The following ITPRIPL1 variants were observed in gnomAD, a reference collection of about 807,000 sequenced individuals.
ITPRIPL1 encodes ITPRIP like 1.
ITPRIPL1 carries 28 observed loss-of-function variants against 40.0 expected under a neutral mutation model. The observed-to-expected ratio is 0.70, with a 90% CI of 0.52 to 0.96. ITPRIPL1 has a LOEUF of 0.96. Among genes scored for constraint, ITPRIPL1 ranks in the 40% least tolerant of loss-of-function variants. ITPRIPL1 has a pLI of 0.00. For missense variants in ITPRIPL1, 638 were observed against 698.0 expected (o/e 0.91, Z 0.97); for synonymous variants, 251 against 275.7 (o/e 0.91, Z 0.89).
At chr2:96,326,191 T>C (rs906124250) in intron 2 of ITPRIPL1, 16 of 1,455,290 alleles carry the variant, frequency 1.1e-5, no homozygotes, top group Non-Finnish European at 1.5e-5. Context: ...ATGCTACAAC[T>C]GGCTGCCGGG....
Position 96,327,852 on chromosome 2 carries a change from G to A in ITPRIPL1, c.1221G>A (p.Lys407=). ...TGGCCTGTGAGCACCTGTTCCTGAA[G>A]CTGGTGGGGCGCTTTGCCCCCGAGA... The part of the protein sequence containing the change: ...SFVACEHLFL[K]LVGRFAPENT... Residue 407 remains lysine (K), a synonymous_variant, in exon 3 of 3, where the codon AAG becomes AAA. Transcript: ENST00000439118. The A allele has an allele frequency of 6.2e-7, 1 of 1,614,102 alleles. No homozygotes were observed. Among genetic ancestry groups the A allele is most frequent in the South Asian group, 1.1e-5 (1 of 91,084 alleles).
Position 96,327,698 on chromosome 2 carries a change from A to T in ITPRIPL1, c.1067A>T (p.Tyr356Phe), listed in dbSNP as rs1253548205. Residue 356 changes from tyrosine to phenylalanine, a missense_variant, in exon 3 of 3, where the codon TAT becomes TTT. Transcript: ENST00000439118. ...STTSCKLRLD[Y>F]RSGRFLSIHL... ...ACCTCCTGCAAGCTCCGGCTGGACT[A>T]TCGCTCAGGCCGCTTTCTCTCAATC... 6.2e-7 allele frequency: 1 copy of T among 1,613,316 alleles called. No homozygotes were observed. The highest frequency in any genetic ancestry group is 1.1e-5 in the South Asian group (1 of 90,996).
In ITPRIPL1 at chr2:96,327,902, A is replaced by G; in HGVS notation, c.1271A>G (p.Gln424Arg). 1 of 1,613,428 alleles carries G rather than the reference A, an allele frequency of 6.2e-7. No homozygotes were observed. Among genetic ancestry groups the G allele is most frequent in the Non-Finnish European group, 8.5e-7 (1 of 1,179,870 alleles). ...AACACCTGTCACCTCAAGTGCCTCC[A>G]GATCATTTTAAGTCTCCGGCAGCAT... is the stretch of plus-strand genomic sequence containing the variant. The part of the protein sequence containing the change: ...PENTCHLKCL[Q>R]IILSLRQHQS... Residue 424 changes from glutamine (Q) to arginine (R), a missense_variant, in exon 3 of 3, where the codon CAG becomes CGG. Gln to Arg is a conservative substitution (Grantham distance 43). Coordinates refer to ENST00000439118, the MANE Select transcript of ITPRIPL1 (RefSeq NM_001008949.3).
Position 96,327,330 on chromosome 2 carries a change from GA to G in ITPRIPL1, c.702del (p.Lys234AsnfsTer20). Reference sequence around the variant, plus strand: ...AATGGGGAACCCTCCATGAGACCCAGAAATTTGATATCCTGGTGCCCATTGT... The same window carrying G: ...AATGGGGAACCCTCCATGAGACCCAGAATTTGATATCCTGGTGCCCATTGT... ...EKWGTLHETQKFDILVPIVPP... is the reference protein window; with the variant it reads ...EKWGTLHETQXFDILVPIVPP... On this transcript the variant is annotated frameshift_variant, in exon 3 of 3. Coordinates refer to ENST00000439118, the MANE Select transcript of ITPRIPL1 (RefSeq NM_001008949.3). LOFTEE classifies it high-confidence loss of function. 1 of 1,614,192 alleles carries G rather than the reference GA, an allele frequency of 6.2e-7. No homozygotes were observed.
chr2:96,327,446 T>C lies in ITPRIPL1; in HGVS notation c.815T>C (p.Val272Ala), dbSNP rs376245428. The C allele has an allele frequency of 3.2e-5, 52 of 1,613,838 alleles. No individual in the cohort carries two copies. The highest frequency in any genetic ancestry group is 4.2e-5 in the Non-Finnish European group (50 of 1,179,958). Residue 272 changes from valine to alanine, a missense_variant, in exon 3 of 3, where the codon GTG (valine) becomes GCG (alanine). Coordinates refer to ENST00000439118, the MANE Select transcript of ITPRIPL1 (RefSeq NM_001008949.3). The part of the protein sequence containing the change: ...CGCVLVESEC[V>A]CKREKLLGDV... ...TGTGTGCTGGTGGAGTCAGAATGTG[T>C]GTGCAAGCGTGAGAAACTCCTAGGG...
At position 96,328,352 on chromosome 2, in the gene ITPRIPL1, T is replaced by G. The variant is rs1196382454; in HGVS notation, c.*53T>G. 6.5e-7 allele frequency: 1 copy of G among 1,530,600 alleles called. No individual in the cohort carries two copies. Among genetic ancestry groups the G allele is most frequent in the African/African-American group, 1.4e-5 (1 of 71,918 alleles). 94.8% of individuals were successfully genotyped at this position (1,530,600 alleles called of 1,614,324 possible). On this transcript the variant is annotated 3_prime_UTR_variant, in exon 3 of 3. Transcript: ENST00000439118. ...GGAAGGTATTTCTAATTCCTTGGGC[T>G]ACAAAAGTGTTTACTTTTCAGATAT...
In ITPRIPL1 at chr2:96,327,700, C is replaced by CG. The variant is rs1558781422; in HGVS notation, c.1070dup (p.Ser358LeufsTer28). On this transcript the variant is annotated frameshift_variant, in exon 3 of 3. Coordinates refer to ENST00000439118, the MANE Select transcript of ITPRIPL1 (RefSeq NM_001008949.3). LOFTEE classifies it high-confidence loss of function. The stretch of plus-strand genomic sequence containing the variant: ...CTCCTGCAAGCTCCGGCTGGACTAT[C>CG]GCTCAGGCCGCTTTCTCTCAATCCA... The CG allele has an allele frequency of 6.2e-7, 1 of 1,613,164 alleles. No homozygotes were observed. The highest frequency in any genetic ancestry group is 1.1e-5 in the South Asian group (1 of 91,000).
chr2:96,329,338 G>A (rs1558782659), downstream of ITPRIPL1: 1 of 151,304 alleles, frequency 6.6e-6, no homozygotes, highest in Admixed American at 6.6e-5. Flanking sequence ...TCTCATAATT[G>A]AGATAATGTA....
downstream of ITPRIPL1, chr2:96,329,630 A>G (rs1468824565): frequency 2.0e-5 from 3 of 151,098 alleles, no homozygotes; most frequent in South Asian, 6.2e-4. Flanking sequence ...AAGAGAGGTC[A>G]TCACAATCCA....
chr2:96,326,373 T>C, intron 2 of ITPRIPL1: 1 of 1,515,002 alleles, frequency 6.6e-7, no homozygotes, highest in South Asian at 1.2e-5. Context: ...CAGTCCCATG[T>C]ACACTTTCTG....
intron 2 of ITPRIPL1, 43 bp downstream of exon 2, chr2:96,325,892 C>T (rs1268674871): frequency 3.5e-5 from 56 of 1,587,006 alleles, no homozygotes; most frequent in Non-Finnish European, 4.8e-5. Flanking sequence ...GGCAGAAGCT[C>T]GGGCTTCACG....
chr2:96,329,821 C>T (rs1272743324), downstream of ITPRIPL1: 1 of 152,164 alleles, frequency 6.6e-6, no homozygotes. Context: ...CAATGCTGTT[C>T]TATCTGCACT....
In ITPRIPL1 at chr2:96,325,360, C is replaced by G. The variant is rs968353052; in HGVS notation, c.-299C>G. 6.3e-6 allele frequency: 1 copy of G among 157,514 alleles called. No individual in the cohort carries two copies. The highest frequency in any genetic ancestry group is 1.4e-5 in the Non-Finnish European group (1 of 71,544). 9.8% of individuals were successfully genotyped at this position (157,514 alleles called of 1,614,324 possible). A position where few individuals can be genotyped will look rare whatever the true frequency, so the allele number is the denominator to read the frequency against. ...CGGCGCGCGGGCGCCCTCGGAGCCGCGTGCTGGGGGTCGTAGGGGCCCACC... is the reference window on the plus strand; with the variant it reads ...CGGCGCGCGGGCGCCCTCGGAGCCGGGTGCTGGGGGTCGTAGGGGCCCACC... On this transcript the variant is annotated 5_prime_UTR_variant, in exon 1 of 3. Transcript: ENST00000439118.
At position 96,325,778 on chromosome 2, in the gene ITPRIPL1, G is replaced by A. The variant is rs1471272011; in HGVS notation, c.-62G>A. 24 of 1,591,698 alleles carry A rather than the reference G, an allele frequency of 1.5e-5. No individual in the cohort carries two copies. The highest frequency in any genetic ancestry group is 4.0e-5 in the African/African-American group (3 of 74,478). On this transcript the variant is annotated 5_prime_UTR_variant, in exon 2 of 3. Transcript: ENST00000439118. ...TAGAGAGGGCGGGGAGACGAAGCAA[G>A]GCCAAGTTCCAAAGGGAGGATAGGC...
rs767115333 is a variant in ITPRIPL1, at chr2:96,325,859, G to A, written c.10+10G>A. 1.2e-6 allele frequency: 2 copies of A among 1,613,638 alleles called. No individual in the cohort carries two copies. Among genetic ancestry groups the A allele is most frequent in the African/African-American group, 1.3e-5 (1 of 74,924 alleles). On this transcript the variant is annotated intron_variant, in intron 2 of 2. Coordinates refer to ENST00000439118, the MANE Select transcript of ITPRIPL1 (RefSeq NM_001008949.3). ...TCCTTCATGAATGTTGGTAAGCGCG[G>A]TAGCTTGTGAATTAGGGTGAGTGGC...
At position 96,327,384 on chromosome 2, in the gene ITPRIPL1, G is replaced by A. The variant is rs202088616; in HGVS notation, c.753G>A (p.Leu251=). Residue 251 remains leucine (L), a synonymous_variant, in exon 3 of 3, where the codon CTG becomes CTA. Transcript: ENST00000439118. The part of the protein sequence containing the change: ...IVPPQGTMFV[L]EMRDPALGRR... ...CCCCACAGGGCACCATGTTTGTCCT[G>A]GAGATGAGGGACCCAGCCCTGGGCC... 2 of 1,614,054 alleles carry A rather than the reference G, an allele frequency of 1.2e-6. No homozygotes were observed. The highest frequency in any genetic ancestry group is 3.3e-5 in the Admixed American group (2 of 60,016).
Position 96,327,846 on chromosome 2 carries a change from C to T in ITPRIPL1, c.1215C>T (p.Phe405=), listed in dbSNP as rs2064129966. The T allele has an allele frequency of 6.2e-7, 1 of 1,614,118 alleles. No homozygotes were observed. ...CCTTTGTGGCCTGTGAGCACCTGTT[C>T]CTGAAGCTGGTGGGGCGCTTTGCCC... The part of the protein sequence containing the change: ...PESFVACEHL[F]LKLVGRFAPE... The change falls in exon 3 of 3, where the codon TTC becomes TTT. Residue 405 remains phenylalanine (F), a synonymous_variant. Transcript: ENST00000439118.
At chr2:96,329,209 C>T (rs1237975234), downstream of ITPRIPL1, 3 of 121,764 alleles carry the variant, frequency 2.5e-5, no homozygotes, top group Admixed American at 9.1e-5. Context: ...AAGATGTTTA[C>T]ATTCCATTTT....
In ITPRIPL1 at chr2:96,325,826, C is replaced by T. The variant is rs776730629; in HGVS notation, c.-14C>T. ...GGCCCAGCTGGCTTCAGCGTCCACA[C>T]GGCATAGTCCTTCATGAATGTTGGT... is the stretch of plus-strand genomic sequence containing the variant. On this transcript the variant is annotated 5_prime_UTR_variant, in exon 2 of 3. The change creates a new upstream start codon in the 5' untranslated region. Transcript: ENST00000439118. The T allele has an allele frequency of 8.7e-6, 14 of 1,613,752 alleles. No individual in the cohort carries two copies. Among genetic ancestry groups the T allele is most frequent in the South Asian group, 6.6e-5 (6 of 91,088 alleles).
Sources: allele counts gnomAD v4.1 joint callset, GRCh38; gene constraint gnomAD v4.1.1; transcripts MANE v1.5; gene names NCBI Gene and HGNC (gene_info 2026-07-23, HGNC 2026-07-21).